Variants in FUT9 observed in about 807,000 individuals in gnomAD.
The protein encoded by FUT9 is 4-galactosyl-N-acetylglucosaminide 3-alpha-L-fucosyltransferase 9.
A neutral mutation model predicts 29.7 loss-of-function variants in FUT9; 15 were observed. That is an observed-to-expected ratio of 0.51 (90% CI 0.34 to 0.78). The LOEUF (loss-of-function observed/expected upper bound fraction) is 0.78. Among genes scored for constraint, FUT9 ranks in the 30% least tolerant of loss-of-function variants. The probability of loss-of-function intolerance (pLI) is 0.01; values close to 1 mark genes in which losing one functional copy is unlikely to be tolerated. For missense variants in FUT9, 319 were observed against 425.4 expected (o/e 0.75, Z 2.20); for synonymous variants, 169 against 153.7 (o/e 1.10, Z -0.74).
chr6:96,063,266 G>T (rs974593477), intron 1 of FUT9, among the ~76,000 whole-genome samples: 1 of 152,110 alleles, frequency 6.6e-6, no homozygotes, highest in Non-Finnish European at 1.5e-5. Flanking sequence ...TAAGAAAATA[G>T]GTTTAATTGG....
intron 1 of FUT9, among the ~76,000 whole-genome samples, chr6:96,075,279 G>A (rs4631296): frequency 0.11 from 17,434 of 152,124 alleles, 1,290 homozygotes; most frequent in Non-Finnish European, 0.16. Context: ...ACTTTAAACA[G>A]TAGGAGAAAA....
intron 1 of FUT9, among the ~76,000 whole-genome samples, chr6:96,078,414 T>TGA (rs1771177888): frequency 1.1e-5 from 1 of 87,958 alleles, no homozygotes. Context: ...TCTTCTTTTT[T>TGA]TTTTTTTTTT....
At chr6:96,133,257 GA>G (rs982658894) in intron 2 of FUT9, among the ~76,000 whole-genome samples, 3 of 151,762 alleles carry the variant, frequency 2.0e-5, no homozygotes, top group Non-Finnish European at 4.4e-5. Context: ...GCCAAAAAAG[GA>G]AAAAAATAGC....
intron 1 of FUT9, among the ~76,000 whole-genome samples, chr6:96,029,994 C>A (rs534971658): frequency 6.6e-6 from 1 of 151,384 alleles, no homozygotes; most frequent in Non-Finnish European, 1.5e-5. Flanking sequence ...ATCCAAGAAG[C>A]GAAATTGATC....
At chr6:96,083,337 C>A (rs1487265760) in intron 1 of FUT9, among the ~76,000 whole-genome samples, 1 of 152,052 alleles carries the variant, frequency 6.6e-6, no homozygotes, top group East Asian at 1.9e-4. Flanking sequence ...AATAATTAAT[C>A]AGCATAGGCC....
At position 96,213,098 on chromosome 6, in the gene FUT9, C is replaced by G. The variant is rs1773970922; in HGVS notation, c.*8863C>G. On this transcript the variant is annotated 3_prime_UTR_variant, in exon 3 of 3. Coordinates refer to ENST00000302103, the MANE Select transcript of FUT9 (RefSeq NM_006581.4). ...TGCCATATATTCGTGCAGATGTTTT[C>G]TTCTTTTCTTACTGCGCATTTCCAT... 1 of 166,866 alleles carries G rather than the reference C, an allele frequency of 6.0e-6. No individual in the cohort carries two copies. Among genetic ancestry groups the G allele is most frequent in the Non-Finnish European group, 1.5e-5 (1 of 67,998 alleles). The allele number at this position is 166,866 out of a possible 1,614,324, so 10.3% of individuals were successfully genotyped here.
At chr6:96,116,799 A>C (rs1047558246) in intron 2 of FUT9, among the ~76,000 whole-genome samples, 2 of 152,152 alleles carry the variant, frequency 1.3e-5, no homozygotes, top group African/African-American at 4.8e-5. Context: ...ATTGAGTTGG[A>C]GTTATAAGAG....
intron 2 of FUT9, among the ~76,000 whole-genome samples, chr6:96,141,363 A>C (rs554644159): frequency 7.9e-4 from 120 of 152,330 alleles, no homozygotes; most frequent in Non-Finnish European, 1.5e-3. Context: ...AATAAGTTTC[A>C]GAAATGTTTC....
In FUT9 at chr6:96,019,357, C is replaced by T. The variant is rs1388573642; in HGVS notation, c.-98+3145C>T. ...ATTTCTTGTATTTTCTTTTTCATTG[C>T]GGTGGATGTATTATTACGTTTTTAT... On this transcript the variant is annotated intron_variant, in intron 1 of 2. Transcript: ENST00000302103. 9.9e-5 allele frequency among the ~76,000 whole-genome samples: 15 copies of T among 151,670 alleles called. 1 individual carries two copies. Among genetic ancestry groups the T allele is most frequent in the Admixed American group, 7.9e-4 (12 of 15,218 alleles).
At chr6:96,135,925 G>C (rs1393704833) in intron 2 of FUT9, among the ~76,000 whole-genome samples, 1 of 150,590 alleles carries the variant, frequency 6.6e-6, no homozygotes, top group Admixed American at 6.7e-5. Flanking sequence ...ATTTCAAGTG[G>C]CTTTCTCAAG....
chr6:96,028,881 G>A (rs1455300132), intron 1 of FUT9, among the ~76,000 whole-genome samples: 1 of 151,540 alleles, frequency 6.6e-6, no homozygotes, highest in African/African-American at 2.4e-5. Flanking sequence ...TAATTATTCA[G>A]TCACAGTGGT....
At chr6:96,138,604 A>G (rs1181344315) in intron 2 of FUT9, among the ~76,000 whole-genome samples, 1 of 152,142 alleles carries the variant, frequency 6.6e-6, no homozygotes, top group Non-Finnish European at 1.5e-5. Flanking sequence ...GGTTGAGGAC[A>G]CAATTAACAG....
intron 1 of FUT9, among the ~76,000 whole-genome samples, chr6:96,085,459 A>G (rs181478330): frequency 6.6e-6 from 1 of 152,314 alleles, no homozygotes; most frequent in Admixed American, 6.5e-5. Flanking sequence ...AGCACTCACA[A>G]TCTAATCACC....
chr6:96,110,501 TC>T (rs1482967023), intron 1 of FUT9, among the ~76,000 whole-genome samples: 1 of 152,034 alleles, frequency 6.6e-6, no homozygotes, highest in Non-Finnish European at 1.5e-5. Flanking sequence ...ACCCTGAGCA[TC>T]CCCTCAACTT....
intron 1 of FUT9, among the ~76,000 whole-genome samples, chr6:96,058,060 G>A (rs192700150): frequency 1.2e-3 from 176 of 152,028 alleles, no homozygotes; most frequent in Admixed American, 7.1e-3. Context: ...ATATTCTTCA[G>A]CACTCTACTT....
At chr6:96,070,283 C>T (rs544213826) in intron 1 of FUT9, among the ~76,000 whole-genome samples, 1 of 152,178 alleles carries the variant, frequency 6.6e-6, no homozygotes, top group South Asian at 2.1e-4. Context: ...AGAAAAAAGA[C>T]ATTTATTTAA....
chr6:96,093,860 A>G (rs1771453331), intron 1 of FUT9, among the ~76,000 whole-genome samples: 2 of 152,164 alleles, frequency 1.3e-5, no homozygotes, highest in African/African-American at 2.4e-5. Context: ...ATTAAGGGAC[A>G]GAGGAGTTGA....
At chr6:96,017,890 C>T (rs1430594889) in intron 1 of FUT9, among the ~76,000 whole-genome samples, 1 of 152,116 alleles carries the variant, frequency 6.6e-6, no homozygotes, top group African/African-American at 2.4e-5. Context: ...GAAAGTTGAG[C>T]CATCATCTAG....
At chr6:96,132,364 A>T (rs1772261995) in intron 2 of FUT9, among the ~76,000 whole-genome samples, 1 of 145,250 alleles carries the variant, frequency 6.9e-6, no homozygotes, top group Non-Finnish European at 1.5e-5. Flanking sequence ...AAATGATCAA[A>T]ATGTCAGTGT....
Sources: allele counts gnomAD v4.1 joint callset (sites outside exome capture counted in the v4.1 genomes callset), GRCh38; gene constraint gnomAD v4.1.1; transcripts MANE v1.5; gene names NCBI Gene and HGNC (gene_info 2026-07-23, HGNC 2026-07-21).